PHF14: variants seen among roughly 807,000 people sequenced by gnomAD.
PHF14 encodes PHD finger protein 14.
A neutral mutation model predicts 117.9 loss-of-function variants in PHF14; 55 were observed. That is an observed-to-expected ratio of 0.47 (90% confidence interval 0.38 to 0.58). The LOEUF (loss-of-function observed/expected upper bound fraction) is 0.58. Ranked by LOEUF, PHF14 falls within the 20% of genes least tolerant of loss-of-function variation. The pLI is 0.00. For missense variants in PHF14, 978 were observed against 1,122.2 expected (o/e 0.87, Z 1.84); for synonymous variants, 409 against 368.6 (o/e 1.11, Z -1.26).
intron 16 of PHF14, chr7:11,063,450 A>G: frequency 2.0e-6 from 2 of 977,712 alleles, no homozygotes; most frequent in Non-Finnish European, 2.4e-6. Flanking sequence ...TATATAATGA[A>G]CAAAAATTTA....
intron 11 of PHF14, 59 bp downstream of exon 11, chr7:11,038,914 G>T (rs1784408519): frequency 1.3e-6 from 1 of 755,326 alleles, no homozygotes. Flanking sequence ...GATTTTCAAA[G>T]AACAGATTTT....
At chr7:11,093,152 G>A (rs2995880) in intron 16 of PHF14, among the ~76,000 whole-genome samples, 72,499 of 151,974 alleles carry the variant, frequency 0.48, 17,911 homozygotes, top group East Asian at 0.85. Context: ...CCAAATATTC[G>A]GAGGATTTTC....
chr7:11,122,346 T>TACACAC lies in PHF14; in HGVS notation c.2772+10880_2772+10881insCACACA, dbSNP rs1256614887. ...TTTGTACTTTTTATATATATATATA[T>TACACAC]ATATATACACACACACACACACACA... On this transcript the variant is annotated intron_variant, in intron 17 of 17. Coordinates refer to ENST00000634607, the MANE Select transcript of PHF14 (RefSeq NM_001007157.2). 2.5e-3 allele frequency among the ~76,000 whole-genome samples: 161 copies of TACACAC among 64,534 alleles called. 3 individuals are homozygous for TACACAC. The highest frequency in any genetic ancestry group is 3.2e-3 in the Non-Finnish European group (116 of 36,356). The allele number at this position is 64,534 out of a possible 152,430, so 42.3% of individuals were successfully genotyped here.
intron 16 of PHF14, chr7:11,106,948 A>G (rs1346542584): frequency 1.0e-6 from 1 of 984,068 alleles, no homozygotes; most frequent in African/African-American, 1.7e-5. Flanking sequence ...GATTATCACA[A>G]TCAACTTGAT....
chr7:11,051,825 C>A, intron 14 of PHF14, 45 bp downstream of exon 14: 2 of 1,524,654 alleles, frequency 1.3e-6, no homozygotes, highest in South Asian at 1.2e-5. Context: ...AATTCTGAGG[C>A]CAAAATTTAA....
chr7:11,044,327 A>T (rs1531834), intron 13 of PHF14, among the ~76,000 whole-genome samples: 84,443 of 150,716 alleles, frequency 0.56, 25,519 homozygotes, highest in East Asian at 0.85. Context: ...AGTTGAAATT[A>T]AAAAAAAAAG....
At chr7:11,052,943 G>A (rs1309458539) in intron 14 of PHF14, among the ~76,000 whole-genome samples, 1 of 152,090 alleles carries the variant, frequency 6.6e-6, no homozygotes. Context: ...AAAGTTTGGT[G>A]TGTATGTTTT....
At chr7:11,098,859 G>C (rs1562465573) in intron 16 of PHF14, among the ~76,000 whole-genome samples, 1 of 151,994 alleles carries the variant, frequency 6.6e-6, no homozygotes, top group African/African-American at 2.4e-5. Flanking sequence ...CCTTAGACCA[G>C]GTTTTATAAA....
chr7:11,044,107 C>T (rs1032359426), intron 13 of PHF14, among the ~76,000 whole-genome samples: 3 of 152,038 alleles, frequency 2.0e-5, no homozygotes, highest in African/African-American at 7.2e-5. Flanking sequence ...ACTGCATGTT[C>T]TCACTTACAG....
Position 10,982,541 on chromosome 7 carries a change from A to C in PHF14, c.282A>C (p.Lys94Asn). Residue 94 changes from lysine to asparagine, a missense_variant, in exon 3 of 18, where the codon AAA (lysine) becomes AAC (asparagine). By Grantham distance (94) the Lys-to-Asn change is moderately conservative (BLOSUM62 0). Transcript: ENST00000634607. ...AGGAAGAAGTACTATCATCAGAAAAACAATTAATTAAAATGGAAAAGAAGG... is the reference window on the plus strand; with the variant it reads ...AGGAAGAAGTACTATCATCAGAAAACCAATTAATTAAAATGGAAAAGAAGG... ...SAEEEVLSSE[K>N]QLIKMEKKEE... The C allele has an allele frequency of 2.6e-6, 4 of 1,525,118 alleles. No individual in the cohort carries two copies. The highest frequency in any genetic ancestry group is 3.6e-6 in the Non-Finnish European group (4 of 1,121,902). The allele number at this position is 1,525,118 out of a possible 1,614,324, so 94.5% of individuals were successfully genotyped here.
At chr7:10,998,661 C>T (rs1409819752) in intron 4 of PHF14, among the ~76,000 whole-genome samples, 1 of 152,096 alleles carries the variant, frequency 6.6e-6, no homozygotes, top group Non-Finnish European at 1.5e-5. Flanking sequence ...TATGTTAACT[C>T]AGGAGTAGCA....
intron 7 of PHF14, among the ~76,000 whole-genome samples, chr7:11,032,716 G>A (rs1312869275): frequency 6.6e-6 from 1 of 152,108 alleles, no homozygotes; most frequent in Non-Finnish European, 1.5e-5. Context: ...ATTCATTTTT[G>A]TCTTATATTT....
At chr7:11,136,211 A>G (rs1788216134) in intron 17 of PHF14, among the ~76,000 whole-genome samples, 1 of 152,162 alleles carries the variant, frequency 6.6e-6, no homozygotes, top group South Asian at 2.1e-4. Flanking sequence ...TGACTTCCGC[A>G]GTGCCAAATC....
At chr7:11,023,907 C>T (rs1313279504) in intron 6 of PHF14, among the ~76,000 whole-genome samples, 1 of 152,146 alleles carries the variant, frequency 6.6e-6, no homozygotes, top group Non-Finnish European at 1.5e-5. Flanking sequence ...AAGAGTCATA[C>T]ATCTGTCACT....
rs548009803 is a variant in PHF14 at position 11,039,104 on chromosome 7, CTGAT to C, written c.2076+253_2076+256del. ...TGCAAAATTTTTTCATTTGCTCTAACTGATTGACCTGTCATTTGTGATGAAGCTT... is the reference window on the plus strand; with the variant it reads ...TGCAAAATTTTTTCATTTGCTCTAACTGACCTGTCATTTGTGATGAAGCTT... On this transcript the variant is annotated intron_variant, in intron 11 of 17. Coordinates refer to ENST00000634607, the MANE Select transcript of PHF14 (RefSeq NM_001007157.2). 2.9e-3 allele frequency among the ~76,000 whole-genome samples: 446 copies of C among 152,230 alleles called. 2 individuals carry two copies. Among genetic ancestry groups the C allele is most frequent in the African/African-American group, 0.01 (425 of 41,560 alleles).
At chr7:11,066,622 G>A (rs1403865175) in intron 16 of PHF14, among the ~76,000 whole-genome samples, 3 of 152,132 alleles carry the variant, frequency 2.0e-5, no homozygotes, top group Non-Finnish European at 4.4e-5. Context: ...AGTTAAGGAA[G>A]GTTTGTTTAT....
chr7:11,149,010 T>G (rs942672259), intron 17 of PHF14, among the ~76,000 whole-genome samples: 3 of 147,302 alleles, frequency 2.0e-5, no homozygotes, highest in African/African-American at 5.1e-5. Flanking sequence ...TGAAATAGGG[T>G]TTTTTTTTTG....
At chr7:11,077,947 A>G (rs1785930031) in intron 16 of PHF14, among the ~76,000 whole-genome samples, 2 of 152,178 alleles carry the variant, frequency 1.3e-5, no homozygotes, top group African/African-American at 2.4e-5. Flanking sequence ...CGTGCATGAA[A>G]CTGAGGCTTA....
chr7:11,047,742 C>T (rs1036538313), intron 13 of PHF14, among the ~76,000 whole-genome samples: 5 of 149,190 alleles, frequency 3.4e-5, no homozygotes, highest in South Asian at 2.2e-4. Flanking sequence ...GCTGAGATTG[C>T]GCCAGTGCTC....
Sources: allele counts gnomAD v4.1 joint callset (sites outside exome capture counted in the v4.1 genomes callset), GRCh38; gene constraint gnomAD v4.1.1; transcripts MANE v1.5; gene names NCBI Gene and HGNC (gene_info 2026-07-23, HGNC 2026-07-21).